The following TMEM132C variants were observed in gnomAD, a reference collection of about 807,000 sequenced individuals.
The protein encoded by TMEM132C is protein phosphatase 1, regulatory subunit 152.
Under a neutral mutation model 61.4 loss-of-function variants are expected in TMEM132C, and 29 were observed. The observed-to-expected ratio is 0.47, with a 90% CI of 0.35 to 0.64. The LOEUF is 0.64. Among genes scored for constraint, TMEM132C ranks in the 30% least tolerant of loss-of-function variants. The pLI, the probability that TMEM132C is intolerant of heterozygous loss-of-function variation, is 0.00. For synonymous variants in TMEM132C, 656 were observed against 633.1 expected (o/e 1.04, Z -0.54); for missense variants, 1,408 against 1,476.9 (o/e 0.95, Z 0.76).
intron 2 of TMEM132C, among the ~76,000 whole-genome samples, chr12:128,477,648 C>T (rs899844407): frequency 3.3e-5 from 5 of 152,242 alleles, no homozygotes; most frequent in East Asian, 3.9e-4. Context: ...GGTGCAATCT[C>T]GGCTCACTGC....
intron 2 of TMEM132C, among the ~76,000 whole-genome samples, chr12:128,478,397 C>T (rs992867580): frequency 2.0e-5 from 3 of 152,130 alleles, no homozygotes; most frequent in Non-Finnish European, 2.9e-5. Flanking sequence ...ATCAGGAGGC[C>T]GTCAAGGCTG....
chr12:128,515,949 T>C (rs1872704284), intron 2 of TMEM132C, among the ~76,000 whole-genome samples: 1 of 152,154 alleles, frequency 6.6e-6, no homozygotes, highest in African/African-American at 2.4e-5. Context: ...TACAGGATTA[T>C]AGGATGATAC....
At position 128,276,681 on chromosome 12, in the gene TMEM132C, C is replaced by T. The variant is rs115081705; in HGVS notation, c.85+9194C>T. Among the ~76,000 whole-genome samples, 750 of 152,264 alleles carry T rather than the reference C, an allele frequency of 4.9e-3. 5 individuals carry two copies. Among genetic ancestry groups the T allele is most frequent in the African/African-American group, 0.017 (727 of 41,550 alleles). ...CTTGCTCAATTGGTCCCTCTGGCCC[C>T]ATAATTATGTTTACTTTTGCTGTGT... On this transcript the variant is annotated intron_variant, in intron 1 of 8. Coordinates refer to ENST00000435159, the MANE Select transcript of TMEM132C (RefSeq NM_001136103.3).
At chr12:128,543,365 GCATGAAGTTATGCCTTGTC>G (rs1471911851) in intron 2 of TMEM132C, among the ~76,000 whole-genome samples, 1 of 152,192 alleles carries the variant, frequency 6.6e-6, no homozygotes, top group Non-Finnish European at 1.5e-5. Flanking sequence ...GGGAGGTGAG[GCATGAAGTTATGCCTTGTC>G]CAAATTTGCA....
At chr12:128,284,458 G>T (rs1277885074) in intron 1 of TMEM132C, among the ~76,000 whole-genome samples, 1 of 152,166 alleles carries the variant, frequency 6.6e-6, no homozygotes, top group Non-Finnish European at 1.5e-5. Context: ...GGACCTACTG[G>T]GTCTATCTCC....
intron 3 of TMEM132C, among the ~76,000 whole-genome samples, chr12:128,582,795 A>G (rs1300787604): frequency 8.5e-5 from 13 of 152,178 alleles, no homozygotes; most frequent in Admixed American, 5.9e-4. Context: ...TATCAGCAGC[A>G]TGAAAACAGA....
intron 1 of TMEM132C, among the ~76,000 whole-genome samples, chr12:128,324,252 C>G (rs1470371087): frequency 6.6e-6 from 1 of 152,094 alleles, no homozygotes; most frequent in Non-Finnish European, 1.5e-5. Flanking sequence ...CAGGGGAATG[C>G]TTATGGTCAA....
At position 128,656,196 on chromosome 12, in the gene TMEM132C, G is replaced by A. The variant is rs543453445; in HGVS notation, c.1306-13221G>A. Among the ~76,000 whole-genome samples, 15 of 152,248 alleles carry A rather than the reference G, an allele frequency of 9.9e-5. No individual in the cohort carries two copies. The East Asian group carries it at 1.2e-3, about 12-fold the overall frequency. On this transcript the variant is annotated intron_variant, in intron 4 of 8. Coordinates refer to ENST00000435159, the MANE Select transcript of TMEM132C (RefSeq NM_001136103.3). ...CTCCCTAGTAGCTGGGATTACAGGC[G>A]TGTGCCACCACACCCGGCTAATTTT...
At chr12:128,519,129 G>A (rs1014191475) in intron 2 of TMEM132C, among the ~76,000 whole-genome samples, 4 of 152,250 alleles carry the variant, frequency 2.6e-5, no homozygotes, top group African/African-American at 9.6e-5. Context: ...ACATCACTTT[G>A]CATTACTTAA....
At chr12:128,433,087 A>G (rs1282532221) in intron 2 of TMEM132C, among the ~76,000 whole-genome samples, 1 of 152,206 alleles carries the variant, frequency 6.6e-6, no homozygotes, top group Non-Finnish European at 1.5e-5. Context: ...TAGCATTTTT[A>G]GCAATAAAAC....
intron 5 of TMEM132C, among the ~76,000 whole-genome samples, chr12:128,670,261 A>T (rs993134167): frequency 6.6e-6 from 1 of 152,186 alleles, no homozygotes; most frequent in African/African-American, 2.4e-5. Flanking sequence ...GTGAGCTGAG[A>T]TCGTGCCACT....
chr12:128,586,349 T>C (rs1300958272), intron 3 of TMEM132C, among the ~76,000 whole-genome samples: 1 of 150,032 alleles, frequency 6.7e-6, no homozygotes, highest in East Asian at 1.9e-4. Context: ...TGTATGTGAC[T>C]TATAGTATAG....
intron 1 of TMEM132C, among the ~76,000 whole-genome samples, chr12:128,402,591 G>A (rs1300762362): frequency 6.6e-6 from 1 of 152,294 alleles, no homozygotes; most frequent in Non-Finnish European, 1.5e-5. Flanking sequence ...TGTCCTGGGA[G>A]AGCCCCAGCC....
intron 3 of TMEM132C, among the ~76,000 whole-genome samples, chr12:128,584,618 G>A (rs78500062): frequency 0.012 from 1,869 of 152,260 alleles, 27 homozygotes; most frequent in African/African-American, 0.037. Context: ...TTTCACTGCC[G>A]TCTTTCTGCT....
intron 2 of TMEM132C, among the ~76,000 whole-genome samples, chr12:128,540,786 T>C (rs948911737): frequency 2.0e-5 from 3 of 152,142 alleles, no homozygotes; most frequent in Non-Finnish European, 4.4e-5. Flanking sequence ...CTGCAGCAGA[T>C]GTCAGCTAGG....
intron 5 of TMEM132C, among the ~76,000 whole-genome samples, chr12:128,671,622 A>G (rs1954533251): frequency 6.6e-6 from 1 of 152,150 alleles, no homozygotes; most frequent in Non-Finnish European, 1.5e-5. Flanking sequence ...ATGGAAAAAC[A>G]CTTCTCTGCA....
At chr12:128,449,076 G>A (rs1174602062) in intron 2 of TMEM132C, among the ~76,000 whole-genome samples, 1 of 143,318 alleles carries the variant, frequency 7.0e-6, no homozygotes, top group Admixed American at 7.4e-5. Context: ...GGCAGAGCTT[G>A]CAGTGAGCCG....
chr12:128,396,964 C>A (rs1874979694), intron 1 of TMEM132C, among the ~76,000 whole-genome samples: 1 of 152,210 alleles, frequency 6.6e-6, no homozygotes, highest in Non-Finnish European at 1.5e-5. Flanking sequence ...ACATGTCTGC[C>A]TGTGCCCAGG....
At chr12:128,690,588 A>G (rs1396324894) in intron 5 of TMEM132C, among the ~76,000 whole-genome samples, 11 of 152,220 alleles carry the variant, frequency 7.2e-5, no homozygotes, top group African/African-American at 2.7e-4. Flanking sequence ...GTAAATTACA[A>G]CATTGACTAA....
Sources: allele counts gnomAD v4.1 joint callset (sites outside exome capture counted in the v4.1 genomes callset), GRCh38; gene constraint gnomAD v4.1.1; transcripts MANE v1.5; gene names NCBI Gene and HGNC (gene_info 2026-07-23, HGNC 2026-07-21).